ZC3H8: variants seen among roughly 807,000 people sequenced by gnomAD.
ZC3H8 encodes zinc finger CCCH-type containing 8, also known as zinc finger CCCH domain-containing protein 8.
A neutral mutation model predicts 42.5 loss-of-function variants in ZC3H8; 27 were observed. The ratio of observed to expected loss-of-function variants is 0.64; its 90% CI spans 0.47 to 0.88. The LOEUF (loss-of-function observed/expected upper bound fraction) is 0.88. Ranked by LOEUF, ZC3H8 falls within the 40% of genes least tolerant of loss-of-function variation. The pLI is 0.00. For missense variants in ZC3H8, 277 were observed against 336.1 expected (o/e 0.82, Z 1.37); for synonymous variants, 101 against 110.1 (o/e 0.92, Z 0.52).
At chr2:112,233,031 T>C (rs1685159582) in intron 6 of ZC3H8, among the ~76,000 whole-genome samples, 1 of 152,216 alleles carries the variant, frequency 6.6e-6, no homozygotes. Context: ...GGACCCTCTA[T>C]ACCACCCAGG....
chr2:112,239,755 T>G (rs1156574427), intron 2 of ZC3H8, among the ~76,000 whole-genome samples: 1 of 152,122 alleles, frequency 6.6e-6, no homozygotes, highest in Non-Finnish European at 1.5e-5. Flanking sequence ...CAGCTAATTT[T>G]TGTATTTTTG....
intron 8 of ZC3H8, among the ~76,000 whole-genome samples, chr2:112,229,910 C>A (rs1685016409): frequency 1.4e-5 from 2 of 143,372 alleles, no homozygotes; most frequent in Admixed American, 7.0e-5. Context: ...AAAAGATTCC[C>A]AAAATAAGTA....
At chr2:112,223,358 T>C (rs1056847607) in intron 8 of ZC3H8, among the ~76,000 whole-genome samples, 2 of 151,962 alleles carry the variant, frequency 1.3e-5, no homozygotes, top group African/African-American at 4.8e-5. Flanking sequence ...AATGGACAAA[T>C]TTCTAGAAAC....
chr2:112,225,629 C>T (rs1001852609), intron 8 of ZC3H8, among the ~76,000 whole-genome samples: 1 of 152,142 alleles, frequency 6.6e-6, no homozygotes, highest in Non-Finnish European at 1.5e-5. Context: ...CCAGCGTGGC[C>T]AACATGGTGA....
intron 8 of ZC3H8, among the ~76,000 whole-genome samples, chr2:112,227,903 A>G (rs547163901): frequency 2.0e-5 from 3 of 152,312 alleles, no homozygotes; most frequent in African/African-American, 7.2e-5. Context: ...TCCCTATCAA[A>G]ATCTCAGCAT....
intron 2 of ZC3H8, among the ~76,000 whole-genome samples, chr2:112,240,849 C>T (rs1685544812): frequency 6.6e-6 from 1 of 151,968 alleles, no homozygotes. Flanking sequence ...ATGATTACAT[C>T]CCCTTTCTCC....
intron 1 of ZC3H8, among the ~76,000 whole-genome samples, chr2:112,253,140 TAAAAAA>T (rs375398776): frequency 6.8e-6 from 1 of 146,876 alleles, no homozygotes; most frequent in Non-Finnish European, 1.5e-5. Flanking sequence ...CTCAAAAAAA[TAAAAAA>T]AAAACCCACA....
intron 3 of ZC3H8, 58 bp downstream of exon 3, chr2:112,238,257 G>C: frequency 6.5e-7 from 1 of 1,539,988 alleles, no homozygotes; most frequent in Non-Finnish European, 8.9e-7. Context: ...TCCGTATATG[G>C]ACAACTGTGA....
chr2:112,246,239 G>C (rs1685759626), intron 2 of ZC3H8, among the ~76,000 whole-genome samples: 1 of 152,164 alleles, frequency 6.6e-6, no homozygotes, highest in Non-Finnish European at 1.5e-5. Context: ...TGATGGAGAT[G>C]AATGTTTTCA....
At chr2:112,220,884 C>T (rs977755657) in intron 8 of ZC3H8, among the ~76,000 whole-genome samples, 14 of 152,116 alleles carry the variant, frequency 9.2e-5, no homozygotes, top group African/African-American at 3.4e-4. Context: ...TGCCCTTAAC[C>T]GTTTTTTCTT....
At chr2:112,230,881 A>G (rs1685056754) in intron 8 of ZC3H8, 22 bp downstream of exon 8, 2 of 1,295,430 alleles carry the variant, frequency 1.5e-6, no homozygotes, top group Non-Finnish European at 2.0e-6. Flanking sequence ...AAAAAAAGAA[A>G]TGTGGTAAAT....
chr2:112,217,065 T>G (rs1422006326), intron 8 of ZC3H8, among the ~76,000 whole-genome samples: 1 of 152,086 alleles, frequency 6.6e-6, no homozygotes, highest in African/African-American at 2.4e-5. Flanking sequence ...AACCTAAAAA[T>G]TATTCAGAAA....
chr2:112,253,846 C>T (rs1229206330), intron 1 of ZC3H8: 2 of 152,196 alleles, frequency 1.3e-5, no homozygotes, highest in Non-Finnish European at 1.5e-5. Flanking sequence ...ATTATATCAT[C>T]TGCAAGTAAT....
Position 112,235,261 on chromosome 2 carries a change from C to T in ZC3H8, c.505-1025G>A, listed in dbSNP as rs1685269968. On this transcript the variant is annotated intron_variant, in intron 4 of 8. Transcript: ENST00000409573. ...CCACTTAGCACCATCAAATTTATGT[C>T]TTATAAATATCTGCCAGTTTAAATC... Among the ~76,000 whole-genome samples, 3 of 152,236 alleles carry T rather than the reference C, an allele frequency of 2.0e-5. No individual in the cohort carries two copies. The Middle Eastern group carries it at 0.01, about 518-fold the overall frequency.
At chr2:112,254,215 G>A in intron 1 of ZC3H8, 6 of 927,150 alleles carry the variant, frequency 6.5e-6, no homozygotes, top group Middle Eastern at 5.5e-4. Flanking sequence ...GGAAATAAAA[G>A]ACGTAGGTTT....
chr2:112,254,996 C>G lies in ZC3H8; in HGVS notation c.-15G>C. The G allele has an allele frequency of 6.3e-7, 1 of 1,594,836 alleles. No homozygotes were observed. Among genetic ancestry groups the G allele is most frequent in the South Asian group, 1.1e-5 (1 of 88,528 alleles). ...TCAAAATCCATGACCCAGACAGGTC[C>G]TCCCTTTCGCGAGCCGGGAAGCTAC... On this transcript the variant is annotated 5_prime_UTR_variant, in exon 1 of 9. Transcript: ENST00000409573.
In ZC3H8 at chr2:112,215,791, TAC is replaced by T. The variant is rs1182692251; in HGVS notation, c.*691_*692del. The stretch of plus-strand genomic sequence containing the variant: ...AACTCACACAAGTGTATAATCTGAC[TAC>T]AGTTTATAAACCAATGAGAAAGATA... On this transcript the variant is annotated 3_prime_UTR_variant, in exon 9 of 9. Transcript: ENST00000409573. 2 of 152,206 alleles carry T rather than the reference TAC, an allele frequency of 1.3e-5. No individual in the cohort carries two copies. Among genetic ancestry groups the T allele is most frequent in the Admixed American group, 6.5e-5 (1 of 15,280 alleles). 9.4% of individuals were successfully genotyped at this position (152,206 alleles called of 1,614,324 possible).
At chr2:112,232,034 A>C in intron 6 of ZC3H8, 87 bp from the exon 7 acceptor site, 6 of 759,236 alleles carry the variant, frequency 7.9e-6, no homozygotes, top group Non-Finnish European at 1.2e-5. Flanking sequence ...CTAAATAAAG[A>C]CCTCTGTGGC....
At position 112,231,053 on chromosome 2, in the gene ZC3H8, C is replaced by T. The variant is rs1326680196; in HGVS notation, c.844-103G>A. ...TCAAATGATTCCAATCAAATTCATC[C>T]TAATAATCATCTAATATTATTTACT... On this transcript the variant is annotated intron_variant, in intron 7 of 8. Transcript: ENST00000409573. The T allele has an allele frequency of 9.3e-6, 7 of 752,116 alleles. No individual in the cohort carries two copies. In the East Asian group the frequency reaches 3.4e-4, roughly 36 times the overall value. The allele number at this position is 752,116 out of a possible 1,614,324, so 46.6% of individuals were successfully genotyped here. A position where few individuals can be genotyped will look rare whatever the true frequency, so the allele number is the denominator to read the frequency against.
Sources: gnomAD v4.1 joint callset for allele counts (sites outside exome capture counted in the v4.1 genomes callset) on GRCh38, gnomAD v4.1.1 for gene constraint, MANE v1.5 for transcripts, NCBI Gene and HGNC (gene_info 2026-07-23, HGNC 2026-07-21) for gene names.